TRPM5: variants seen among roughly 807,000 people sequenced by gnomAD.
The protein encoded by TRPM5 is MLSN1 and TRP-related.
A neutral mutation model predicts 124.9 loss-of-function variants in TRPM5; 121 were observed. The ratio of observed to expected loss-of-function variants is 0.97; its 90% CI spans 0.84 to 1.13. The LOEUF is 1.13. Ranked by LOEUF, TRPM5 falls within the 50% of genes most tolerant of loss-of-function variation. The pLI, the probability that TRPM5 is intolerant of heterozygous loss-of-function variation, is 0.00. For missense variants in TRPM5, 1,643 were observed against 1,589.1 expected (o/e 1.03, Z -0.58); for synonymous variants, 781 against 700.5 (o/e 1.11, Z -1.81).
upstream of TRPM5, among the ~76,000 whole-genome samples, chr11:2,425,626 G>A (rs558251993): frequency 4.6e-5 from 7 of 152,170 alleles, no homozygotes; most frequent in Non-Finnish European, 1.0e-4. Flanking sequence ...AGCCCTGGGC[G>A]GGAGTCCTCA....
At chr11:2,425,305 G>A (rs1001678198), upstream of TRPM5, among the ~76,000 whole-genome samples, 2 of 152,164 alleles carry the variant, frequency 1.3e-5, no homozygotes, top group Admixed American at 6.5e-5. Context: ...CTCTCAGAGC[G>A]GGTCCTTCCC....
At position 2,421,165 on chromosome 11, in the gene TRPM5, C is replaced by A. The variant is rs1358200330; in HGVS notation, c.332G>T (p.Gly111Val). 2 of 1,541,496 alleles carry A rather than the reference C, an allele frequency of 1.3e-6. No homozygotes were observed. Among genetic ancestry groups the A allele is most frequent in the Admixed American group, 4.0e-5 (2 of 50,336 alleles). Residue 111 changes from glycine to valine, a missense_variant, in exon 3 of 24, where the codon GGC becomes GTC. By Grantham distance (109) the Gly-to-Val change is moderately radical. Coordinates refer to ENST00000155858, the Ensembl canonical transcript of TRPM5. Reference sequence around the variant, plus strand: ...GGCCTGCCCGACATGCCTGGCCAGGCCCACGCGGAGGGCACTGGTCAGGAT... The same window carrying A: ...GGCCTGCCCGACATGCCTGGCCAGGACCACGCGGAGGGCACTGGTCAGGAT...
At chr11:2,444,424 G>A in the TRPM5 span, among the ~76,000 whole-genome samples, 42 of 151,770 alleles carry the variant, frequency 2.8e-4, no homozygotes, top group African/African-American at 9.2e-4. Context: ...TATCGGCCAG[G>A]CCTTACCCCT....
intron 4 of TRPM5, among the ~76,000 whole-genome samples, chr11:2,419,927 G>A (rs1273912261): frequency 2.6e-5 from 4 of 151,760 alleles, no homozygotes; most frequent in South Asian, 2.1e-4. Flanking sequence ...CTCTGACCAC[G>A]GCAAGGCCCA....
At chr11:2,432,882 C>A in the TRPM5 span, among the ~76,000 whole-genome samples, 7 of 152,318 alleles carry the variant, frequency 4.6e-5, no homozygotes, top group South Asian at 1.4e-3. Flanking sequence ...CAGGTCTGAC[C>A]CCTCGGGGGG....
At chr11:2,427,781 A>G (rs1056779844), upstream of TRPM5, among the ~76,000 whole-genome samples, 15 of 152,122 alleles carry the variant, frequency 9.9e-5, no homozygotes, top group Non-Finnish European at 1.5e-4. Context: ...AGGGCTCTTC[A>G]CCTCAGTTTC....
chr11:2,427,255 GGGA>G (rs1845847350), upstream of TRPM5, among the ~76,000 whole-genome samples: 1 of 152,342 alleles, frequency 6.6e-6, no homozygotes. Context: ...CTTCCCACCT[GGGA>G]GGAGGAGGTA....
In TRPM5 at chr11:2,418,326, C is replaced by T. The variant is rs2074235; in HGVS notation, c.747G>A (p.Pro249=). 4.0e-3 allele frequency: 6,229 copies of T among 1,565,100 alleles called. 264 individuals carry two copies. In the East Asian group the frequency reaches 0.099, roughly 25 times the overall value. The stretch of plus-strand genomic sequence containing the variant: ...CCCCCGAGCCTACCAGGATCAGCCA[C>T]GGGGCAGCCTGCTCCACGGCCCTGG... Residue 249 remains proline, a synonymous_variant, in exon 6 of 24, where the codon CCG becomes CCA. Transcript: ENST00000155858.
At chr11:2,417,142 C>G (rs11602144) in intron 7 of TRPM5, among the ~76,000 whole-genome samples, 34,755 of 152,136 alleles carry the variant, frequency 0.23, 4,129 homozygotes, top group Middle Eastern at 0.35. Context: ...GTCGCCCCAC[C>G]TCACGAATAT....
intron 19 of TRPM5, 89 bp downstream of exon 24, chr11:2,407,670 A>G (rs901231248): frequency 6.7e-7 from 1 of 1,502,498 alleles, no homozygotes; most frequent in East Asian, 2.3e-5. Flanking sequence ...GCAGCACACC[A>G]GGTGGGTTGC....
At chr11:2,429,245 C>T in the TRPM5 span, among the ~76,000 whole-genome samples, 3 of 147,850 alleles carry the variant, frequency 2.0e-5, no homozygotes, top group Non-Finnish European at 4.5e-5. The surrounding 1 kb of genome is among the most constrained non-coding windows in gnomAD (Gnocchi z 8.4). Flanking sequence ...ACTATAGTCA[C>T]TGGTGATGCT....
At chr11:2,412,614 G>A (rs927279357) in intron 15 of TRPM5, 140 bp downstream of exon 20, 1 of 957,232 alleles carries the variant, frequency 1.0e-6, no homozygotes, top group South Asian at 1.8e-5. Context: ...ATGGCCGCTG[G>A]TGACTGGGAA....
chr11:2,418,779 A>G lies in TRPM5; in HGVS notation c.650-188T>C, dbSNP rs145629815. On this transcript the variant is annotated intron_variant, in intron 4 of 23. Transcript: ENST00000155858. ...TGCCATATGAGGGCCGAGGGCTCCA[A>G]TGCTAACCTACACTACCCAGCACGC... Among the ~76,000 whole-genome samples the G allele has an allele frequency of 2.8e-3, 427 of 152,316 alleles. 3 individuals are homozygous for G. Among genetic ancestry groups the G allele is most frequent in the African/African-American group, 9.6e-3 (401 of 41,560 alleles).
Position 2,407,855 on chromosome 11 carries a change from G to A in TRPM5, c.2840C>T (p.Pro947Leu), listed in dbSNP as rs1347102418. The stretch of plus-strand genomic sequence containing the variant: ...GACCAGCCAGTTGGCATAGAGGCTG[G>A]GGCAGGATGGTGAGTCCTCCAGCAG... The change falls in exon 19 of 24, where the codon CCC becomes CTC. Residue 947 changes from proline to leucine, a missense_variant. Transcript: ENST00000155858. 1 of 1,613,898 alleles carries A rather than the reference G, an allele frequency of 6.2e-7. No individual in the cohort carries two copies. The highest frequency in any genetic ancestry group is 1.7e-5 in the Admixed American group (1 of 60,004).
chr11:2,420,437 C>G (rs1432578089), intron 3 of TRPM5, 32 bp from the exon 9 acceptor site: 2 of 1,555,930 alleles, frequency 1.3e-6, no homozygotes, highest in Non-Finnish European at 1.7e-6. Context: ...AGGCTGAGCC[C>G]TCGAGAGGCA....
exon 3 of TRPM5, chr11:2,421,103 C>A: frequency 6.5e-7 from 1 of 1,548,358 alleles, no homozygotes; most frequent in Non-Finnish European, 8.7e-7. Flanking sequence ...ACCACACGGA[C>A]CTTGGTGGAC....
intron 4 of TRPM5, among the ~76,000 whole-genome samples, chr11:2,419,454 A>G (rs927437765): frequency 1.1e-4 from 5 of 46,530 alleles, no homozygotes; most frequent in African/African-American, 2.5e-4. Context: ...CTGGGAAAAA[A>G]AAAAAAAAAA....
chr11:2,435,332 G>T, the TRPM5 span, among the ~76,000 whole-genome samples: 60 of 152,094 alleles, frequency 3.9e-4, 1 homozygote, highest in Admixed American at 7.2e-4. The surrounding 1 kb of genome is among the most constrained non-coding windows in gnomAD (Gnocchi z 4.1). Context: ...CTGGACGAAG[G>T]GCGGCCCATC....
At chr11:2,419,132 C>A (rs919878516) in intron 4 of TRPM5, among the ~76,000 whole-genome samples, 1 of 152,180 alleles carries the variant, frequency 6.6e-6, no homozygotes, top group African/African-American at 2.4e-5. Context: ...CTTAGAATCA[C>A]CCACAGGGAA....
Sources: gnomAD v4.1 joint callset for allele counts (sites outside exome capture counted in the v4.1 genomes callset) on GRCh38, gnomAD v4.1.1 for gene constraint, Gnocchi (gnomAD v3.1) non-coding constraint, MANE v1.5 for transcripts, NCBI Gene and HGNC (gene_info 2026-07-23, HGNC 2026-07-21) for gene names.